Variants in NEBL observed in about 807,000 individuals in gnomAD.
The protein encoded by NEBL is LIM and SH3 protein 2.
In NEBL, 122 loss-of-function variants were observed where a neutral mutation model predicts 140.2. The ratio of observed to expected loss-of-function variants is 0.87; its 90% CI spans 0.75 to 1.01. NEBL has a LOEUF of 1.01. Among genes scored for constraint, NEBL ranks in the 50% least tolerant of loss-of-function variants. The probability of loss-of-function intolerance (pLI) is 0.00; values close to 1 mark genes in which losing one functional copy is unlikely to be tolerated. For synonymous variants in NEBL, 436 were observed against 398.9 expected (o/e 1.09, Z -1.11); for missense variants, 1,365 against 1,231.3 (o/e 1.11, Z -1.62).
intron 2 of NEBL, among the ~76,000 whole-genome samples, chr10:21,057,934 A>G (rs1835104451): frequency 2.0e-5 from 3 of 152,252 alleles, no homozygotes; most frequent in African/African-American, 7.2e-5. Flanking sequence ...TCATCAGTAA[A>G]TCATATAATC....
upstream of NEBL, chr10:20,899,434 A>T: frequency 7.7e-7 from 1 of 1,302,474 alleles, no homozygotes; most frequent in Non-Finnish European, 1.0e-6. Flanking sequence ...ATATGTTCTT[A>T]GGGACTCTTC....
At position 20,808,591 on chromosome 10, in the gene NEBL, C is replaced by G. The variant is rs757509884; in HGVS notation, c.2680G>C (p.Gly894Arg). 6.2e-7 allele frequency: 1 copy of G among 1,613,572 alleles called. No homozygotes were observed. The highest frequency in any genetic ancestry group is 2.2e-5 in the East Asian group (1 of 44,844). Residue 894 changes from glycine to arginine, a missense_variant, in exon 26 of 28, where the codon GGA (glycine) becomes CGA (arginine). Coordinates refer to ENST00000377122, the MANE Select transcript of NEBL (RefSeq NM_006393.3). ...HSSSTFGTGL[G>R]DDRSEISEIY... ...TCGGAGATTTCTGACCTGTCGTCTC[C>G]GAGACCTGTACCGAAAGTACTGCTG...
In NEBL at chr10:21,061,358, T is replaced by TGTA. The variant is rs1554822046; in HGVS notation, c.165-41158_165-41157insTAC. On this transcript the variant is annotated intron_variant, in intron 2 of 6. Coordinates refer to the NEBL transcript ENST00000417816. The stretch of plus-strand genomic sequence containing the variant: ...GTGATATGTAATATGTTACATAATA[T>TGTA]ATGGGTCAGATTTATGTTTTATATC... Among the ~76,000 whole-genome samples, 13 of 147,810 alleles carry TGTA rather than the reference T, an allele frequency of 8.8e-5. No individual in the cohort carries two copies. The South Asian group carries it at 1.1e-3, about 12-fold the overall frequency.
chr10:20,832,519 A>G (rs1041968259), intron 14 of NEBL, among the ~76,000 whole-genome samples: 6 of 152,186 alleles, frequency 3.9e-5, no homozygotes, highest in African/African-American at 7.2e-5. Context: ...GACTTCTGTC[A>G]CATTTGAAAA....
Position 21,169,073 on chromosome 10 carries a change from T to TAC in NEBL, c.164+3309_164+3310insGT, listed in dbSNP as rs1461184224. The stretch of plus-strand genomic sequence containing the variant: ...ACAAAAAAAAAAAAAAAAAAATATA[T>TAC]ATATATATATATATATATATATATA... On this transcript the variant is annotated intron_variant, in intron 2 of 6. Coordinates refer to the NEBL transcript ENST00000417816. Among the ~76,000 whole-genome samples, 95 of 44,348 alleles carry TAC rather than the reference T, an allele frequency of 2.1e-3. 4 individuals are homozygous for TAC. The highest frequency in any genetic ancestry group is 3.0e-3 in the Non-Finnish European group (78 of 25,714). The allele number at this position is 44,348 out of a possible 152,430, so 29.1% of individuals were successfully genotyped here.
intron 3 of NEBL, among the ~76,000 whole-genome samples, chr10:20,972,838 T>G (rs1193801508): frequency 6.6e-6 from 1 of 152,158 alleles, no homozygotes; most frequent in Non-Finnish European, 1.5e-5. Flanking sequence ...AGCATGGATC[T>G]CAAAAAGTCA....
intron 2 of NEBL, among the ~76,000 whole-genome samples, chr10:20,894,928 A>C (rs1369975516): frequency 0.016 from 1,867 of 120,018 alleles, 28 homozygotes; most frequent in African/African-American, 0.071. Flanking sequence ...GACTCTGTCT[A>C]AAAAAAAAAA....
intron 26 of NEBL, among the ~76,000 whole-genome samples, chr10:20,806,426 C>T (rs549782480): frequency 3.9e-5 from 6 of 152,272 alleles, no homozygotes; most frequent in East Asian, 1.9e-4. Flanking sequence ...CCAATGCATG[C>T]GTCTGTCCTA....
intron 4 of NEBL, among the ~76,000 whole-genome samples, chr10:20,921,926 T>C (rs888161964): frequency 1.3e-5 from 2 of 152,202 alleles, no homozygotes; most frequent in Admixed American, 6.5e-5. Flanking sequence ...AAAATATGTG[T>C]GAACATATAT....
At chr10:20,808,045 ACT>A (rs920739474) in intron 26 of NEBL, among the ~76,000 whole-genome samples, 104 of 151,806 alleles carry the variant, frequency 6.9e-4, no homozygotes, top group African/African-American at 2.5e-3. Flanking sequence ...GCAAGGTCTA[ACT>A]CTGTCTGCAA....
chr10:20,947,138 A>G (rs1187511465), intron 4 of NEBL, among the ~76,000 whole-genome samples: 1 of 152,218 alleles, frequency 6.6e-6, no homozygotes, highest in South Asian at 2.1e-4. Flanking sequence ...CTGTTTCTGA[A>G]TGACTGGGAA....
chr10:20,981,383 T>C (rs1837032888), intron 3 of NEBL, among the ~76,000 whole-genome samples: 1 of 150,504 alleles, frequency 6.6e-6, no homozygotes. Flanking sequence ...CCTAGTATTA[T>C]GAAGAATTCT....
intron 3 of NEBL, among the ~76,000 whole-genome samples, chr10:21,214,909 G>C (rs1485131959): frequency 6.6e-6 from 1 of 152,150 alleles, no homozygotes; most frequent in Admixed American, 6.6e-5. Flanking sequence ...AGGCCCTGCT[G>C]TGTCTCTCTG....
At chr10:20,989,293 T>TTTTTTG (rs1207209119) in intron 3 of NEBL, among the ~76,000 whole-genome samples, 1 of 151,808 alleles carries the variant, frequency 6.6e-6, no homozygotes, top group African/African-American at 2.4e-5. Context: ...TTTGGGGAGG[T>TTTTTTG]TTTTTGTTTT....
intron 13 of NEBL, 70 bp downstream of exon 13, chr10:20,840,669 G>T: frequency 9.5e-7 from 1 of 1,051,786 alleles, no homozygotes; most frequent in Non-Finnish European, 1.5e-6. Flanking sequence ...TAGAACCTTT[G>T]AGAAAGATTG....
chr10:21,282,603 A>G (rs1843006719), intron 1 of NEBL, among the ~76,000 whole-genome samples: 1 of 152,220 alleles, frequency 6.6e-6, no homozygotes, highest in Non-Finnish European at 1.5e-5. Context: ...TTGAATTAAT[A>G]GGGACTGTGC....
chr10:21,031,997 A>T (rs1833820754), intron 2 of NEBL, among the ~76,000 whole-genome samples: 1 of 152,238 alleles, frequency 6.6e-6, no homozygotes, highest in Admixed American at 6.5e-5. Flanking sequence ...CTCAAAACTC[A>T]AAACTCAAAA....
Position 20,823,230 on chromosome 10 carries a change from T to C in NEBL, c.1940A>G (p.Glu647Gly), listed in dbSNP as rs1839524642. ...SDPPELKRVK[E>G]NQKNISNLQY... The stretch of plus-strand genomic sequence containing the variant: ...CACATTGCTGATGTTCTTCTGGTTT[T>C]CTTTAACTCTCTTTAGTTCTGGAGG... The change falls in exon 19 of 28, where the codon GAA becomes GGA. Residue 647 changes from glutamate (E) to glycine (G), a missense_variant. By Grantham distance (98) the Glu-to-Gly change is moderately conservative. Transcript: ENST00000377122. 1 of 1,608,278 alleles carries C rather than the reference T, an allele frequency of 6.2e-7. No individual in the cohort carries two copies. The highest frequency in any genetic ancestry group is 1.3e-5 in the African/African-American group (1 of 74,930).
intron 26 of NEBL, among the ~76,000 whole-genome samples, chr10:20,802,264 GA>G (rs1468719401): frequency 1.3e-5 from 2 of 152,144 alleles, no homozygotes; most frequent in East Asian, 3.9e-4. Context: ...AAGATCAAAG[GA>G]AACCTCACAG....
Sources: allele counts gnomAD v4.1 joint callset (sites outside exome capture counted in the v4.1 genomes callset), GRCh38; gene constraint gnomAD v4.1.1; transcripts MANE v1.5; gene names NCBI Gene and HGNC (gene_info 2026-07-23, HGNC 2026-07-21).